Variants in HEATR5A observed in about 807,000 individuals in gnomAD.
HEATR5A encodes HEAT repeat containing 5A.
In HEATR5A, 178 loss-of-function variants were observed where a neutral mutation model predicts 218.8. The ratio of observed to expected loss-of-function variants is 0.81; its 90% CI spans 0.72 to 0.92. The LOEUF (loss-of-function observed/expected upper bound fraction) is 0.92. Ranked by LOEUF, HEATR5A falls within the 40% of genes least tolerant of loss-of-function variation. The pLI is 0.00. For missense variants in HEATR5A, 2,420 were observed against 2,418.9 expected, an observed-to-expected ratio of 1.00 and a Z score of -0.01; for synonymous variants, 864 against 871.6, an observed-to-expected ratio of 0.99 and a Z score of 0.15.
intron 26 of HEATR5A, among the ~76,000 whole-genome samples, chr14:31,316,881 TC>T (rs1362000101): frequency 1.1e-4 from 16 of 152,206 alleles, no homozygotes; most frequent in African/African-American, 3.9e-4. Context: ...AGAGAAAGGA[TC>T]TCCCCGTGTT....
chr14:31,398,694 A>G lies in HEATR5A; in HGVS notation c.426T>C (p.Leu142=). 6.6e-7 allele frequency: 1 copy of G among 1,520,870 alleles called. No homozygotes were observed. 94.2% of individuals were successfully genotyped at this position (1,520,870 alleles called of 1,614,324 possible). A position where few individuals can be genotyped will look rare whatever the true frequency, so the allele number is the denominator to read the frequency against. ...NTFTDTVGNI[L]KAMKSAESQG... is the part of the protein sequence containing the mutation. Reference sequence around the variant, plus strand: ...TTACCTCTGCACTCTTCATAGCTTTAAGAATATTCCCCACTGTATCAGTAA... The same window carrying G: ...TTACCTCTGCACTCTTCATAGCTTTGAGAATATTCCCCACTGTATCAGTAA... Residue 142 remains leucine (L), a synonymous_variant, in exon 4 of 36, where the codon CTT becomes CTC. Coordinates refer to ENST00000543095, the MANE Select transcript of HEATR5A (RefSeq NM_015473.4).
intron 14 of HEATR5A, among the ~76,000 whole-genome samples, chr14:31,361,269 T>C (rs116958404): frequency 1.3e-3 from 193 of 152,346 alleles, no homozygotes; most frequent in Non-Finnish European, 2.5e-3. Flanking sequence ...CACTATGGGA[T>C]ACCAATATAT....
intron 2 of HEATR5A, among the ~76,000 whole-genome samples, chr14:31,401,406 A>G (rs1476635233): frequency 3.9e-5 from 6 of 152,102 alleles, no homozygotes; most frequent in African/African-American, 1.4e-4. Flanking sequence ...ATGACTGTTT[A>G]AGTTTCCTGA....
chr14:31,296,021 G>C lies in HEATR5A; in HGVS notation c.5507C>G (p.Thr1836Ser), dbSNP rs1899178582. ...AGACAAAATAAACACTGTGATAGCA[G>C]TAAGTAGACTGACTTCATCAAGTTC... ...HQELDEVSLL[T>S]AITVFILSTS... Residue 1836 changes from threonine to serine, a missense_variant, in exon 34 of 36, where the codon ACT (threonine) becomes AGT (serine). Thr to Ser is a moderately conservative substitution (Grantham distance 58). Transcript: ENST00000543095. 1.2e-6 allele frequency: 2 copies of C among 1,613,288 alleles called. No individual in the cohort carries two copies. The highest frequency in any genetic ancestry group is 3.3e-5 in the Admixed American group (2 of 60,000).
chr14:31,323,920 G>T, intron 23 of HEATR5A, 116 bp from the exon 24 acceptor site: 1 of 642,390 alleles, frequency 1.6e-6, no homozygotes, highest in Non-Finnish European at 2.6e-6. Flanking sequence ...ACTATCAATT[G>T]CTACTGATCA....
intron 20 of HEATR5A, 142 bp from the exon 21 acceptor site, chr14:31,344,207 T>C: frequency 2.9e-5 from 12 of 412,296 alleles, no homozygotes; most frequent in Non-Finnish European, 4.3e-5. Flanking sequence ...AAATCTGTGA[T>C]GTACAATTTC....
At chr14:31,406,155 C>G (rs918524848) in intron 1 of HEATR5A, among the ~76,000 whole-genome samples, 1 of 152,160 alleles carries the variant, frequency 6.6e-6, no homozygotes, top group African/African-American at 2.4e-5. Context: ...ATGTTATCTG[C>G]TATACGTTTT....
intron 6 of HEATR5A, among the ~76,000 whole-genome samples, chr14:31,389,325 C>A (rs2030358135): frequency 6.6e-6 from 1 of 152,154 alleles, no homozygotes; most frequent in African/African-American, 2.4e-5. Context: ...CTGCCCTAGT[C>A]CTCCACAAAT....
chr14:31,300,347 G>A (rs776817748), intron 33 of HEATR5A, among the ~76,000 whole-genome samples: 2 of 151,548 alleles, frequency 1.3e-5, no homozygotes, highest in Non-Finnish European at 2.9e-5. Flanking sequence ...GTGCAGAGGT[G>A]TGATCTTGGC....
chr14:31,394,336 A>T lies in HEATR5A; in HGVS notation c.598-110T>A. 5.5e-6 allele frequency: 3 copies of T among 549,432 alleles called. No individual in the cohort carries two copies. In the South Asian group the frequency reaches 1.0e-4, roughly 19 times the overall value. The allele number at this position is 549,432 out of a possible 1,614,324, so 34.0% of individuals were successfully genotyped here. On this transcript the variant is annotated intron_variant, in intron 5 of 35. Transcript: ENST00000543095. The stretch of plus-strand genomic sequence containing the variant: ...CGTCTAACAAATAATATACAAATTC[A>T]AAGTATCTATTATGATTACAGGAAT...
At chr14:31,318,347 C>A in intron 25 of HEATR5A, 55 bp from the exon 26 acceptor site, 1 of 1,326,238 alleles carries the variant, frequency 7.5e-7, no homozygotes, top group South Asian at 1.2e-5. Context: ...AGCACAAGTT[C>A]TCCCTCTTTT....
chr14:31,333,290 C>G (rs1030101633), intron 22 of HEATR5A, among the ~76,000 whole-genome samples: 2 of 151,964 alleles, frequency 1.3e-5, no homozygotes, highest in Non-Finnish European at 2.9e-5. Flanking sequence ...GCTCTATCAC[C>G]CAGGCTGGAG....
At position 31,341,317 on chromosome 14, in the gene HEATR5A, C is replaced by T. The variant is rs147046400; in HGVS notation, c.3228+2579G>A. ...TCATATGTAACTTTTTTTTTGATGC[C>T]TATTTTTTTTTCCTGCAGTAAATAT... On this transcript the variant is annotated intron_variant, in intron 21 of 35. Transcript: ENST00000543095. Among the ~76,000 whole-genome samples, 104 of 151,528 alleles carry T rather than the reference C, an allele frequency of 6.9e-4. No homozygotes were observed. In the East Asian group the frequency reaches 0.01, roughly 15 times the overall value.
At chr14:31,367,619 A>G (rs570090613) in intron 13 of HEATR5A, among the ~76,000 whole-genome samples, 1 of 116,128 alleles carries the variant, frequency 8.6e-6, no homozygotes, top group East Asian at 2.5e-4. Context: ...GGGTCTCACC[A>G]TGTTGGCCAG....
chr14:31,335,660 T>C (rs1481750787), intron 22 of HEATR5A, among the ~76,000 whole-genome samples: 2 of 152,166 alleles, frequency 1.3e-5, no homozygotes, highest in Non-Finnish European at 2.9e-5. Context: ...TAAATTATTA[T>C]TATTATTTTT....
Position 31,293,941 on chromosome 14 carries a change from T to C in HEATR5A, c.5783A>G (p.Glu1928Gly). Residue 1928 changes from glutamate (E) to glycine (G), a missense_variant, in exon 35 of 36, where the codon GAA becomes GGA. Glu to Gly is a moderately conservative substitution (Grantham distance 98, BLOSUM62 -2). Coordinates refer to ENST00000543095, the MANE Select transcript of HEATR5A (RefSeq NM_015473.4). ...ENTAELEIFQ[E>G]GIKVLETLVT... ...CAGTGTTTCTAAGACCTTTATGCCT[T>C]CTTGGAAGATCTCAAGCTCAGCAGT... The C allele has an allele frequency of 6.2e-7, 1 of 1,607,828 alleles. No individual in the cohort carries two copies. Among genetic ancestry groups the C allele is most frequent in the South Asian group, 1.1e-5 (1 of 89,642 alleles).
chr14:31,293,698 TC>T (rs1899089012), intron 35 of HEATR5A, 86 bp from the exon 36 acceptor site: 1 of 1,286,148 alleles, frequency 7.8e-7, no homozygotes, highest in Non-Finnish European at 1.1e-6. Flanking sequence ...TATACATTTT[TC>T]CCCACTAAAG....
intron 31 of HEATR5A, among the ~76,000 whole-genome samples, chr14:31,305,617 G>A (rs1342375584): frequency 6.6e-6 from 1 of 152,164 alleles, no homozygotes; most frequent in Non-Finnish European, 1.5e-5. Context: ...GGAGAAAGAA[G>A]TTATGAAGGT....
chr14:31,322,022 A>C (rs1221216617), intron 24 of HEATR5A, among the ~76,000 whole-genome samples: 1 of 152,212 alleles, frequency 6.6e-6, no homozygotes, highest in Non-Finnish European at 1.5e-5. Context: ...GCTTTGACTA[A>C]TTAAGCAGAA....
Sources: allele counts gnomAD v4.1 joint callset (sites outside exome capture counted in the v4.1 genomes callset), GRCh38; gene constraint gnomAD v4.1.1; transcripts MANE v1.5; gene names NCBI Gene and HGNC (gene_info 2026-07-23, HGNC 2026-07-21).